The following NCOA1 variants were observed in gnomAD, a reference collection of about 807,000 sequenced individuals.
The protein encoded by NCOA1 is nuclear receptor coactivator 1, also known as Hin-2 protein.
A neutral mutation model predicts 150.9 loss-of-function variants in NCOA1; 35 were observed. The observed-to-expected ratio is 0.23, with a 90% CI of 0.18 to 0.31. The LOEUF is 0.31. Among genes scored for constraint, NCOA1 ranks in the 10% least tolerant of loss-of-function variants. The pLI, the probability that NCOA1 is intolerant of heterozygous loss-of-function variation, is 1.00. For synonymous variants in NCOA1, 590 were observed against 630.0 expected (o/e 0.94, Z 0.95); for missense variants, 1,491 against 1,749.3 (o/e 0.85, Z 2.63).
intron 1 of NCOA1, among the ~76,000 whole-genome samples, chr2:24,508,927 G>A (rs1252133106): frequency 6.6e-6 from 1 of 152,172 alleles, no homozygotes; most frequent in Non-Finnish European, 1.5e-5. Flanking sequence ...TCACCATGTT[G>A]TCTAGAAGAA....
intron 3 of NCOA1, among the ~76,000 whole-genome samples, chr2:24,606,661 T>A (rs1035620663): frequency 3.3e-5 from 5 of 152,214 alleles, no homozygotes; most frequent in African/African-American, 1.2e-4. Flanking sequence ...TCTCCATATT[T>A]TCAGTCTTAG....
intron 1 of NCOA1, among the ~76,000 whole-genome samples, chr2:24,513,658 A>G (rs990477830): frequency 2.0e-5 from 3 of 152,236 alleles, no homozygotes; most frequent in African/African-American, 7.2e-5. Context: ...GTTGAAAAGT[A>G]TATGCATCTT....
intron 19 of NCOA1, among the ~76,000 whole-genome samples, chr2:24,747,691 A>C (rs1369075175): frequency 1.3e-5 from 2 of 152,152 alleles, no homozygotes; most frequent in Non-Finnish European, 2.9e-5. Flanking sequence ...TTAATACAAG[A>C]GTTTTTCTTT....
At chr2:24,607,514 C>T (rs1199542615) in intron 3 of NCOA1, among the ~76,000 whole-genome samples, 4 of 152,044 alleles carry the variant, frequency 2.6e-5, no homozygotes, top group Non-Finnish European at 4.4e-5. Context: ...ACGGGGAAAC[C>T]CCATCTCTAC....
intron 3 of NCOA1, among the ~76,000 whole-genome samples, chr2:24,605,067 C>T (rs1348922684): frequency 2.6e-5 from 4 of 152,114 alleles, no homozygotes; most frequent in Non-Finnish European, 5.9e-5. Context: ...TGATTAAGTT[C>T]GCTGCCTTAT....
At position 24,629,201 on chromosome 2, in the gene NCOA1, C is replaced by T. The variant is rs564180518; in HGVS notation, c.-174-14765C>T. Among the ~76,000 whole-genome samples the T allele has an allele frequency of 2.2e-4, 34 of 152,194 alleles. No individual in the cohort carries two copies. The South Asian group carries it at 7.0e-3, about 32-fold the overall frequency. ...GAGCATTAAAAAAATTAGCAACAGTCTTTTGAGAATAGTTTGTCTTCAAAA... is the reference window on the plus strand; with the variant it reads ...GAGCATTAAAAAAATTAGCAACAGTTTTTTGAGAATAGTTTGTCTTCAAAA... On this transcript the variant is annotated intron_variant, in intron 3 of 22. Coordinates refer to ENST00000348332, the MANE Select transcript of NCOA1 (RefSeq NM_003743.5).
chr2:24,631,376 C>T (rs745484813), intron 3 of NCOA1, among the ~76,000 whole-genome samples: 52 of 152,204 alleles, frequency 3.4e-4, no homozygotes, highest in Non-Finnish European at 6.2e-4. Context: ...GTTAAAGCCA[C>T]GTTATAATAA....
At chr2:24,625,186 G>T (rs924730587) in intron 3 of NCOA1, among the ~76,000 whole-genome samples, 2 of 151,326 alleles carry the variant, frequency 1.3e-5, no homozygotes, top group African/African-American at 2.4e-5. Flanking sequence ...TGCTTCCTGT[G>T]TTTTTTTTCA....
intron 1 of NCOA1, among the ~76,000 whole-genome samples, chr2:24,505,322 G>A (rs148845708): frequency 1.6e-3 from 238 of 152,090 alleles, no homozygotes; most frequent in Middle Eastern, 6.8e-3. Context: ...AAGTAGTACA[G>A]GCATGTGCCA....
At chr2:24,698,497 T>G (rs1211616175) in intron 11 of NCOA1, among the ~76,000 whole-genome samples, 1 of 152,170 alleles carries the variant, frequency 6.6e-6, no homozygotes, top group African/African-American at 2.4e-5. Flanking sequence ...GATATGTATA[T>G]TCCCTGCCCT....
chr2:24,521,313 T>A (rs1156892352), intron 1 of NCOA1, among the ~76,000 whole-genome samples: 1 of 152,208 alleles, frequency 6.6e-6, no homozygotes, highest in Non-Finnish European at 1.5e-5. Flanking sequence ...TACCATGCTG[T>A]AAAATAGAGC....
At chr2:24,493,933 C>T (rs1039594152) in intron 1 of NCOA1, among the ~76,000 whole-genome samples, 9 of 152,150 alleles carry the variant, frequency 5.9e-5, no homozygotes, top group African/African-American at 2.2e-4. Context: ...ATGTGTTAAT[C>T]TTTTGGTGGG....
At chr2:24,622,528 A>G (rs577799347) in intron 3 of NCOA1, among the ~76,000 whole-genome samples, 1 of 152,322 alleles carries the variant, frequency 6.6e-6, no homozygotes, top group East Asian at 1.9e-4. Context: ...TAGAAGATAG[A>G]TTGTGCATTG....
At chr2:24,491,673 C>T (rs1407053011) in intron 1 of NCOA1, among the ~76,000 whole-genome samples, 71 bp downstream of exon 1, 2 of 150,934 alleles carry the variant, frequency 1.3e-5, no homozygotes, top group African/African-American at 2.4e-5. Context: ...GCCGCGGAGG[C>T]CCTAGGGGGC....
At chr2:24,666,706 C>T (rs770954615) in intron 6 of NCOA1, among the ~76,000 whole-genome samples, 7 of 151,316 alleles carry the variant, frequency 4.6e-5, no homozygotes, top group African/African-American at 7.3e-5. Context: ...GATCTCTGCT[C>T]GCTGCAACCT....
At chr2:24,630,958 G>T (rs978783682) in intron 3 of NCOA1, among the ~76,000 whole-genome samples, 4 of 151,946 alleles carry the variant, frequency 2.6e-5, no homozygotes, top group Admixed American at 1.3e-4. Context: ...CATTAATATG[G>T]ATGGTTTGAT....
chr2:24,589,106 T>C (rs528287938), intron 3 of NCOA1, among the ~76,000 whole-genome samples: 1 of 152,324 alleles, frequency 6.6e-6, no homozygotes, highest in East Asian at 1.9e-4. Flanking sequence ...TCTAGACTTA[T>C]GGGTTGGCTT....
intron 22 of NCOA1, among the ~76,000 whole-genome samples, chr2:24,764,255 C>T (rs1433051963): frequency 6.6e-6 from 1 of 152,178 alleles, no homozygotes; most frequent in Non-Finnish European, 1.5e-5. Flanking sequence ...CTTTCTACCG[C>T]CAGAGTCCAC....
chr2:24,620,487 C>T (rs1271327259), intron 3 of NCOA1, among the ~76,000 whole-genome samples: 1 of 152,034 alleles, frequency 6.6e-6, no homozygotes, highest in Non-Finnish European at 1.5e-5. Flanking sequence ...GCCTGTAATC[C>T]CAGCTACTTG....
Sources: gnomAD v4.1 joint callset for allele counts (sites outside exome capture counted in the v4.1 genomes callset) on GRCh38, gnomAD v4.1.1 for gene constraint, MANE v1.5 for transcripts, NCBI Gene and HGNC (gene_info 2026-07-23, HGNC 2026-07-21) for gene names.